Variants in HTR3B observed in about 807,000 individuals in gnomAD.
HTR3B encodes the protein 5-hydroxytryptamine (serotonin) receptor 3B, ionotropic.
HTR3B carries 44 observed loss-of-function variants against 42.8 expected under a neutral mutation model. That is an observed-to-expected ratio of 1.03 (90% CI 0.81 to 1.32). The LOEUF (loss-of-function observed/expected upper bound fraction) is 1.32, where lower values mean the gene tolerates loss of function less well. Ranked by LOEUF, HTR3B falls within the 40% of genes most tolerant of loss-of-function variation. The pLI is 0.00. For synonymous variants in HTR3B, 203 were observed against 209.0 expected (o/e 0.97, Z 0.25); for missense variants, 527 against 536.5 (o/e 0.98, Z 0.17).
Position 113,947,808 on chromosome 11 carries a change from C to T in HTR3B, c.*1671C>T, listed in dbSNP as rs1565570542. ...GCAGACAAAGGGGACATATTTCAGC[C>T]CATAACACTAGTGATTCCGGAGGTT... On this transcript the variant is annotated 3_prime_UTR_variant, in exon 9 of 9. Transcript: ENST00000260191. Among the ~76,000 whole-genome samples, 1 of 152,056 alleles carries T rather than the reference C, an allele frequency of 6.6e-6. No homozygotes were observed.
chr11:113,942,923 C>A (rs901307433), intron 6 of HTR3B, 59 bp from the exon 7 acceptor site: 1 of 1,509,732 alleles, frequency 6.6e-7, no homozygotes. Flanking sequence ...ATGAATTTGG[C>A]CAAATCTGAG....
chr11:113,913,250 C>T (rs1035140235), intron 2 of HTR3B, among the ~76,000 whole-genome samples: 1 of 150,242 alleles, frequency 6.7e-6, no homozygotes, highest in Admixed American at 6.6e-5. Context: ...ATGGCACGAT[C>T]TCGGCTCACT....
intron 6 of HTR3B, among the ~76,000 whole-genome samples, chr11:113,941,864 G>A (rs1052710106): frequency 2.6e-5 from 4 of 152,148 alleles, no homozygotes; most frequent in Admixed American, 2.0e-4. Flanking sequence ...AGGCCTAAGG[G>A]TGGTAACAGA....
intron 2 of HTR3B, among the ~76,000 whole-genome samples, chr11:113,920,425 T>C (rs1026546002): frequency 7.4e-5 from 11 of 148,390 alleles, no homozygotes; most frequent in African/African-American, 2.2e-4. Context: ...ACCCAGGATG[T>C]AGTGCAGTGG....
chr11:113,912,235 A>ATTTCT (rs1379539782), intron 2 of HTR3B, among the ~76,000 whole-genome samples: 1 of 151,676 alleles, frequency 6.6e-6, no homozygotes, highest in South Asian at 2.1e-4. Context: ...ATATGTTTCC[A>ATTTCT]TTTCTTTTTT....
chr11:113,901,734 T>C (rs1949698911), upstream of HTR3B, among the ~76,000 whole-genome samples: 3 of 152,156 alleles, frequency 2.0e-5, no homozygotes, highest in South Asian at 6.2e-4. Flanking sequence ...TCATTAGTAA[T>C]GGCCTTCCAG....
intron 8 of HTR3B, among the ~76,000 whole-genome samples, 184 bp downstream of exon 8, chr11:113,944,939 C>T (rs761397963): frequency 5.3e-5 from 8 of 152,142 alleles, no homozygotes; most frequent in Non-Finnish European, 1.2e-4. Flanking sequence ...TTCTGGCTTT[C>T]TAGAAAGTCT....
At chr11:113,942,119 C>T (rs982969606) in intron 6 of HTR3B, among the ~76,000 whole-genome samples, 1 of 152,060 alleles carries the variant, frequency 6.6e-6, no homozygotes, top group Non-Finnish European at 1.5e-5. Flanking sequence ...CCTGTAATCC[C>T]AGCACTTTGG....
intron 2 of HTR3B, among the ~76,000 whole-genome samples, chr11:113,917,279 C>G (rs4337072): frequency 2.0e-5 from 3 of 151,810 alleles, no homozygotes; most frequent in Non-Finnish European, 4.4e-5. Flanking sequence ...ATTACAGGTG[C>G]CTGCCACCAC....
At chr11:113,915,813 A>G (rs544743675) in intron 2 of HTR3B, among the ~76,000 whole-genome samples, 1 of 152,182 alleles carries the variant, frequency 6.6e-6, no homozygotes. Flanking sequence ...TCTCCACATA[A>G]TCACTACTCC....
chr11:113,944,511 A>G (rs1950161104), intron 7 of HTR3B, 62 bp from the exon 8 acceptor site: 11 of 1,555,450 alleles, frequency 7.1e-6, no homozygotes, highest in Non-Finnish European at 9.7e-6. Context: ...TAAAGAAAAC[A>G]AAAAAATCTG....
At position 113,936,168 on chromosome 11, in the gene HTR3B, C is replaced by A. The variant is rs534607162; in HGVS notation, c.696+3075C>A. Among the ~76,000 whole-genome samples, 5 of 152,144 alleles carry A rather than the reference C, an allele frequency of 3.3e-5. No homozygotes were observed. In the East Asian group the frequency reaches 7.7e-4, roughly 24 times the overall value. ...GTTCCCAGAAACAGCAGGGTGAGAG[C>A]ATTTGATTTTGCATGGCAGTGGTTT... On this transcript the variant is annotated intron_variant, in intron 6 of 8. Coordinates refer to ENST00000260191, the MANE Select transcript of HTR3B (RefSeq NM_006028.5).
In HTR3B at chr11:113,931,376, C is replaced by T. The variant is rs767974327; in HGVS notation, c.214-8C>T. ...AGATTTGGAGTGGATTTTCTTTTTG[C>T]CTTGCAGGATGCAGAGAATCAAATA... is the stretch of plus-strand genomic sequence containing the variant. On this transcript the variant is annotated splice_region_variant and splice_polypyrimidine_tract_variant and intron_variant, in intron 2 of 8. Transcript: ENST00000260191. The T allele has an allele frequency of 1.9e-6, 3 of 1,595,154 alleles. No homozygotes were observed. Among genetic ancestry groups the T allele is most frequent in the Non-Finnish European group, 2.6e-6 (3 of 1,169,340 alleles).
intron 2 of HTR3B, among the ~76,000 whole-genome samples, chr11:113,920,229 T>C (rs944213447): frequency 6.6e-6 from 1 of 151,954 alleles, no homozygotes; most frequent in African/African-American, 2.4e-5. Context: ...GGTTTCATCA[T>C]GTTGGCCATG....
chr11:113,928,536 T>G (rs1949998784), intron 2 of HTR3B, among the ~76,000 whole-genome samples: 1 of 152,134 alleles, frequency 6.6e-6, no homozygotes, highest in Admixed American at 6.5e-5. Context: ...GTGTCAGAAT[T>G]TGCTTCCTTC....
intron 2 of HTR3B, among the ~76,000 whole-genome samples, chr11:113,925,284 A>C (rs1949958505): frequency 6.6e-6 from 1 of 152,210 alleles, no homozygotes; most frequent in Admixed American, 6.5e-5. Flanking sequence ...ATTTGATTTC[A>C]TGCCATCAAC....
At chr11:113,904,691 G>T, upstream of HTR3B, 1 of 469,580 alleles carries the variant, frequency 2.1e-6, no homozygotes, top group Non-Finnish European at 3.8e-6. Flanking sequence ...TCTGATCTTG[G>T]GGCAGAACCA....
chr11:113,922,095 C>T (rs183778034), intron 2 of HTR3B, among the ~76,000 whole-genome samples: 1 of 152,142 alleles, frequency 6.6e-6, no homozygotes, highest in Admixed American at 6.5e-5. Flanking sequence ...TCTTCATTCT[C>T]CATCTGCAAA....
intron 2 of HTR3B, among the ~76,000 whole-genome samples, chr11:113,924,343 C>T (rs1358509114): frequency 3.3e-5 from 5 of 151,996 alleles, no homozygotes; most frequent in Admixed American, 1.3e-4. Context: ...AGGCTGGGCA[C>T]GGTGGCTCAC....
Sources: allele counts gnomAD v4.1 joint callset (sites outside exome capture counted in the v4.1 genomes callset), GRCh38; gene constraint gnomAD v4.1.1; transcripts MANE v1.5; gene names NCBI Gene and HGNC (gene_info 2026-07-23, HGNC 2026-07-21).